The following RABL3 variants were observed in gnomAD, a reference collection of about 807,000 sequenced individuals.
The protein encoded by RABL3 is rab-like protein 3.
A neutral mutation model predicts 31.8 loss-of-function variants in RABL3; 31 were observed. The ratio of observed to expected loss-of-function variants is 0.97; its 90% CI spans 0.73 to 1.31. The LOEUF is 1.31. RABL3 is among the 40% of genes most tolerant of loss of function. The probability of loss-of-function intolerance (pLI) is 0.00; values close to 1 mark genes in which losing one functional copy is unlikely to be tolerated. For synonymous variants in RABL3, 97 were observed against 99.9 expected (o/e 0.97, Z 0.18); for missense variants, 263 against 279.6 (o/e 0.94, Z 0.42).
intron 2 of RABL3, among the ~76,000 whole-genome samples, chr3:120,725,811 C>T (rs961693302): frequency 2.0e-5 from 3 of 151,800 alleles, no homozygotes; most frequent in Non-Finnish European, 4.4e-5. Context: ...GAGGAGGGAG[C>T]GGGGAGGGAT....
chr3:120,711,333 A>G (rs1708610422), intron 2 of RABL3, among the ~76,000 whole-genome samples: 1 of 152,110 alleles, frequency 6.6e-6, no homozygotes, highest in Non-Finnish European at 1.5e-5. Context: ...GCATTTGCCA[A>G]CAAGTTCTGC....
intron 4 of RABL3, among the ~76,000 whole-genome samples, chr3:120,703,025 C>A (rs1469816919): frequency 1.3e-5 from 2 of 152,182 alleles, no homozygotes; most frequent in Non-Finnish European, 2.9e-5. Context: ...CCCAGCAAAT[C>A]ACAAAGTATG....
intron 6 of RABL3, among the ~76,000 whole-genome samples, chr3:120,691,890 C>T (rs1159888201): frequency 6.6e-6 from 1 of 152,042 alleles, no homozygotes; most frequent in Non-Finnish European, 1.5e-5. Flanking sequence ...AGATCCAAGA[C>T]CAAGACCAGC....
Position 120,706,097 on chromosome 3 carries a change from C to G in RABL3, c.286G>C (p.Asp96His), listed in dbSNP as rs564912172. Residue 96 changes from aspartate (D) to histidine (H), a missense_variant, in exon 4 of 8, where the codon GAC becomes CAC. By Grantham distance (81) the Asp-to-His change is moderately conservative. Transcript: ENST00000273375. ...TGGGAGGACTTCTTATTTGTTAAGT[C>G]GTGTACGAAAATAATACCTAAAATA... ...NSVNGIIFVH[D>H]LTNKKSSQNL... 13 of 1,609,194 alleles carry G rather than the reference C, an allele frequency of 8.1e-6. No individual in the cohort carries two copies. The highest frequency in any genetic ancestry group is 1.1e-5 in the Non-Finnish European group (13 of 1,175,698).
At chr3:120,698,828 C>T (rs868393867) in intron 4 of RABL3, among the ~76,000 whole-genome samples, 12 of 152,290 alleles carry the variant, frequency 7.9e-5, no homozygotes, top group Middle Eastern at 3.4e-3. Context: ...TTGAACAATA[C>T]TGAATAATTG....
intron 1 of RABL3, among the ~76,000 whole-genome samples, chr3:120,733,280 T>C (rs1049459220): frequency 8.5e-5 from 13 of 152,190 alleles, no homozygotes; most frequent in Admixed American, 6.5e-4. Context: ...TGGTACCTCA[T>C]TGTGGTTTTG....
rs1244995352 is a variant in RABL3 at position 120,715,244 on chromosome 3, A to G, written c.139-5335T>C. Among the ~76,000 whole-genome samples the G allele has an allele frequency of 2.0e-5, 3 of 152,176 alleles. No homozygotes were observed. In the East Asian group the frequency reaches 5.8e-4, roughly 29 times the overall value. On this transcript the variant is annotated intron_variant, in intron 2 of 7. Coordinates refer to ENST00000273375, the MANE Select transcript of RABL3 (RefSeq NM_173825.5). ...CCATGGAATTTTCTACAGCCATAGA[A>G]ATGCCCAATACAGGCCAGGTGTGGT...
intron 1 of RABL3, among the ~76,000 whole-genome samples, chr3:120,739,244 G>A (rs1467067468): frequency 6.6e-6 from 1 of 152,184 alleles, no homozygotes; most frequent in Non-Finnish European, 1.5e-5. Flanking sequence ...GGGCGTGGTG[G>A]TGGGTGCCTG....
chr3:120,742,264 CCCCCACCCGCGCGACGACGCCG>C (rs1343241811), intron 1 of RABL3, among the ~76,000 whole-genome samples, 176 bp downstream of exon 1: 1 of 152,032 alleles, frequency 6.6e-6, no homozygotes, highest in Admixed American at 6.5e-5. Flanking sequence ...GGCTCCGCGA[CCCCCACCCGCGCGACGACGCCG>C]CCGCCACCGC....
intron 7 of RABL3, among the ~76,000 whole-genome samples, chr3:120,690,154 T>C (rs1249059746): frequency 1.3e-5 from 2 of 152,216 alleles, no homozygotes; most frequent in Admixed American, 6.5e-5. Flanking sequence ...TAGACTTTTA[T>C]AGAAATTATT....
intron 1 of RABL3, chr3:120,738,549 C>A (rs111670619): frequency 0.23 from 35,126 of 153,494 alleles, 4,756 homozygotes; most frequent in Non-Finnish European, 0.3. Flanking sequence ...GCAGAAATCA[C>A]CTGTCTTCTG....
intron 2 of RABL3, among the ~76,000 whole-genome samples, chr3:120,729,058 T>A (rs1186461940): frequency 6.6e-6 from 1 of 152,130 alleles, no homozygotes; most frequent in African/African-American, 2.4e-5. Flanking sequence ...GATGCCTTTT[T>A]GAAATCCGGA....
chr3:120,734,494 GA>G (rs912333418), intron 1 of RABL3, among the ~76,000 whole-genome samples: 11 of 152,196 alleles, frequency 7.2e-5, no homozygotes, highest in African/African-American at 2.7e-4. Context: ...TGCAAACAGA[GA>G]CAATTTGACT....
intron 1 of RABL3, among the ~76,000 whole-genome samples, chr3:120,732,951 C>T (rs1469846033): frequency 6.6e-6 from 1 of 152,118 alleles, no homozygotes; most frequent in African/African-American, 2.4e-5. Flanking sequence ...TTTTCTTAAT[C>T]CAGTCTATCA....
At chr3:120,726,764 T>C (rs944986097) in intron 2 of RABL3, among the ~76,000 whole-genome samples, 1 of 150,996 alleles carries the variant, frequency 6.6e-6, no homozygotes, top group Non-Finnish European at 1.5e-5. Context: ...ATTAAATAAA[T>C]AAATAAATAA....
At chr3:120,712,259 GAGAATAGCAC>G (rs1460110990) in intron 2 of RABL3, among the ~76,000 whole-genome samples, 4 of 152,090 alleles carry the variant, frequency 2.6e-5, no homozygotes, top group African/African-American at 9.7e-5. Context: ...ACAGAAAAAT[GAGAATAGCAC>G]AGTTGCAGCA....
intron 1 of RABL3, among the ~76,000 whole-genome samples, chr3:120,732,818 T>C (rs953292303): frequency 4.0e-5 from 6 of 151,550 alleles, no homozygotes; most frequent in Admixed American, 2.0e-4. Context: ...TGGTGTTTGG[T>C]TTTTTGTCCT....
At chr3:120,721,794 C>T (rs12106874) in intron 2 of RABL3, among the ~76,000 whole-genome samples, 85 of 152,236 alleles carry the variant, frequency 5.6e-4, no homozygotes, top group South Asian at 1.7e-3. Context: ...ACAAGGATAT[C>T]CAGGAATTGA....
chr3:120,690,776 T>TATG (rs931812791), intron 6 of RABL3, among the ~76,000 whole-genome samples: 2 of 152,180 alleles, frequency 1.3e-5, no homozygotes, highest in Non-Finnish European at 2.9e-5. Context: ...ATGCAATTCT[T>TATG]AGAGTATGAC....
Sources: allele counts gnomAD v4.1 joint callset (sites outside exome capture counted in the v4.1 genomes callset), GRCh38; gene constraint gnomAD v4.1.1; transcripts MANE v1.5; gene names NCBI Gene and HGNC (gene_info 2026-07-23, HGNC 2026-07-21).